The following OCA2 variants were observed in gnomAD, a reference collection of about 807,000 sequenced individuals.
OCA2 encodes the protein P protein.
OCA2 carries 77 observed loss-of-function variants against 100.2 expected under a neutral mutation model. The observed-to-expected ratio is 0.77, with a 90% CI of 0.64 to 0.93. OCA2 has a LOEUF of 0.93. Among genes scored for constraint, OCA2 ranks in the 40% least tolerant of loss-of-function variants. The probability of loss-of-function intolerance (pLI) is 0.00; values close to 1 mark genes in which losing one functional copy is unlikely to be tolerated. For missense variants in OCA2, 1,062 were observed against 1,089.1 expected, an observed-to-expected ratio of 0.98 and a Z score of 0.35; for synonymous variants, 432 against 439.2, an observed-to-expected ratio of 0.98 and a Z score of 0.21.
At chr15:27,778,858 G>T (rs576176252) in intron 23 of OCA2, among the ~76,000 whole-genome samples, 60 of 152,358 alleles carry the variant, frequency 3.9e-4, no homozygotes, top group African/African-American at 1.4e-3. Flanking sequence ...GAGGTAAAAA[G>T]AAAGAAAACA....
the OCA2 span, among the ~76,000 whole-genome samples, chr15:27,728,457 A>G: frequency 2.0e-5 from 3 of 152,138 alleles, no homozygotes; most frequent in South Asian, 6.2e-4. Context: ...TCCTGCCAGT[A>G]GAATTTTGGG....
chr15:27,824,017 T>C (rs1184660209), intron 23 of OCA2, among the ~76,000 whole-genome samples: 5 of 152,198 alleles, frequency 3.3e-5, no homozygotes, highest in Non-Finnish European at 7.3e-5. Context: ...TGTTCTACTA[T>C]CGAAATGCAT....
intron 23 of OCA2, 59 bp from the exon 24 acceptor site, chr15:27,755,531 C>T (rs943921180): frequency 8.4e-6 from 11 of 1,307,906 alleles, no homozygotes; most frequent in East Asian, 4.6e-5. Context: ...TCATGAGATA[C>T]GGACTCATAG....
chr15:28,095,715 CAAA>C (rs113766832), intron 1 of OCA2, among the ~76,000 whole-genome samples: 6 of 98,190 alleles, frequency 6.1e-5, no homozygotes, highest in Admixed American at 1.0e-4. Flanking sequence ...GAAACTGTCT[CAAA>C]AAAAAAAAAA....
chr15:27,814,237 G>A (rs577608357), intron 23 of OCA2, among the ~76,000 whole-genome samples: 6 of 151,510 alleles, frequency 4.0e-5, no homozygotes, highest in Non-Finnish European at 8.8e-5. Flanking sequence ...AAAAAACACA[G>A]AATTTTATAA....
intron 18 of OCA2, among the ~76,000 whole-genome samples, chr15:27,929,180 A>C (rs1412073683): frequency 1.3e-5 from 2 of 152,228 alleles, no homozygotes; most frequent in East Asian, 3.8e-4. Context: ...AAAGGACTAG[A>C]ATAACCAATG....
chr15:28,097,145 C>G (rs1450658725), intron 1 of OCA2, among the ~76,000 whole-genome samples: 3 of 152,244 alleles, frequency 2.0e-5, no homozygotes, highest in Non-Finnish European at 4.4e-5. Context: ...GAATGCGCCT[C>G]CTGGCGCCTC....
At chr15:28,046,022 G>A (rs1444505929) in intron 2 of OCA2, among the ~76,000 whole-genome samples, 1 of 152,106 alleles carries the variant, frequency 6.6e-6, no homozygotes, top group African/African-American at 2.4e-5. Flanking sequence ...CGCTGGTTAG[G>A]GACCACGTGT....
chr15:27,950,983 C>T (rs749086860), intron 18 of OCA2, among the ~76,000 whole-genome samples: 2 of 152,214 alleles, frequency 1.3e-5, no homozygotes, highest in Non-Finnish European at 2.9e-5. Flanking sequence ...GACTGTGACA[C>T]CACCTCAAAT....
At chr15:27,726,998 C>G in the OCA2 span, among the ~76,000 whole-genome samples, 1 of 152,196 alleles carries the variant, frequency 6.6e-6, no homozygotes, top group Non-Finnish European at 1.5e-5. Flanking sequence ...AGCAAAGACA[C>G]AGGCATTTGC....
chr15:27,749,474 TTA>T, the OCA2 span, among the ~76,000 whole-genome samples: 1 of 152,186 alleles, frequency 6.6e-6, no homozygotes, highest in African/African-American at 2.4e-5. Context: ...AAATTCTTTC[TTA>T]TGAGTTCTAG....
intron 23 of OCA2, among the ~76,000 whole-genome samples, chr15:27,811,725 C>G (rs1341454349): frequency 6.6e-6 from 1 of 152,156 alleles, no homozygotes; most frequent in African/African-American, 2.4e-5. Context: ...TGTGCGTTTG[C>G]CCCTGTACCT....
At chr15:27,722,777 TC>T in the OCA2 span, among the ~76,000 whole-genome samples, 94 of 48,894 alleles carry the variant, frequency 1.9e-3, 1 homozygote, top group African/African-American at 8.5e-3. Context: ...TTCTTTTCTT[TC>T]TTTCTCTCTC....
intron 14 of OCA2, among the ~76,000 whole-genome samples, chr15:27,977,041 TTTACATA>T (rs776694649): frequency 1.3e-5 from 2 of 152,172 alleles, no homozygotes; most frequent in African/African-American, 2.4e-5. Context: ...TGTCAAATAG[TTTACATA>T]GAGTTGTCCA....
chr15:27,729,462 T>G, the OCA2 span, among the ~76,000 whole-genome samples: 2 of 152,182 alleles, frequency 1.3e-5, no homozygotes, highest in Non-Finnish European at 2.9e-5. Context: ...TGTATTAGCC[T>G]TCTATTGTTA....
intron 18 of OCA2, among the ~76,000 whole-genome samples, chr15:27,943,073 C>T (rs2039706982): frequency 6.6e-6 from 1 of 152,180 alleles, no homozygotes; most frequent in African/African-American, 2.4e-5. Flanking sequence ...AAGAGCTCCT[C>T]ATTTCTTTTG....
intron 23 of OCA2, among the ~76,000 whole-genome samples, chr15:27,828,222 C>T (rs2034810940): frequency 1.3e-5 from 2 of 152,178 alleles, no homozygotes; most frequent in South Asian, 4.1e-4. Context: ...GCTGAAGTCG[C>T]CCTCTTTGGA....
chr15:27,826,540 C>T lies in OCA2; in HGVS notation c.2432+18419G>A, dbSNP rs188753068. ...TCCCCCTCCTTTCCCCAGCTCCCTG[C>T]ACTGCTGACCTATCCTTTCTCAGCA... is the stretch of plus-strand genomic sequence containing the variant. On this transcript the variant is annotated intron_variant, in intron 23 of 23. Transcript: ENST00000354638. Among the ~76,000 whole-genome samples the T allele has an allele frequency of 2.4e-3, 373 of 152,322 alleles. 2 individuals are homozygous for T. The highest frequency in any genetic ancestry group is 8.5e-3 in the African/African-American group (354 of 41,570).
At chr15:27,859,251 G>T (rs2036046940) in intron 21 of OCA2, among the ~76,000 whole-genome samples, 1 of 152,012 alleles carries the variant, frequency 6.6e-6, no homozygotes, top group Non-Finnish European at 1.5e-5. Flanking sequence ...TCCTTGAAAG[G>T]ATCGACGATA....
Sources: gnomAD v4.1 joint callset for allele counts (sites outside exome capture counted in the v4.1 genomes callset) on GRCh38, gnomAD v4.1.1 for gene constraint, MANE v1.5 for transcripts, NCBI Gene and HGNC (gene_info 2026-07-23, HGNC 2026-07-21) for gene names.